MAGI2: variants seen among roughly 807,000 people sequenced by gnomAD.
MAGI2 encodes membrane associated guanylate kinase, WW and PDZ domain containing 2.
MAGI2 carries 35 observed loss-of-function variants against 133.3 expected under a neutral mutation model. The ratio of observed to expected loss-of-function variants is 0.26; its 90% CI spans 0.20 to 0.35. MAGI2 has a LOEUF of 0.35. MAGI2 is among the 10% of genes least tolerant of loss of function. The probability of loss-of-function intolerance (pLI) is 1.00; values close to 1 mark genes in which losing one functional copy is unlikely to be tolerated. For synonymous variants in MAGI2, 729 were observed against 710.6 expected, an observed-to-expected ratio of 1.03 and a Z score of -0.41; for missense variants, 1,636 against 1,863.4, an observed-to-expected ratio of 0.88 and a Z score of 2.25.
At chr7:79,349,348 T>C (rs1841537625) in intron 1 of MAGI2, among the ~76,000 whole-genome samples, 1 of 152,012 alleles carries the variant, frequency 6.6e-6, no homozygotes, top group South Asian at 2.1e-4. Flanking sequence ...GGAAATCTGG[T>C]TGCTATTTCT....
chr7:78,647,962 C>G (rs933128697), intron 2 of MAGI2, among the ~76,000 whole-genome samples: 1 of 152,116 alleles, frequency 6.6e-6, no homozygotes, highest in African/African-American at 2.4e-5. Context: ...CACATGGACA[C>G]AGGCAGGGGA....
chr7:78,297,259 C>T (rs1797349255), intron 9 of MAGI2, among the ~76,000 whole-genome samples: 1 of 151,978 alleles, frequency 6.6e-6, no homozygotes. Flanking sequence ...CAGAGAAATG[C>T]AAATCAAAAC....
intron 1 of MAGI2, among the ~76,000 whole-genome samples, chr7:79,364,458 A>G (rs1025224436): frequency 2.0e-5 from 3 of 152,096 alleles, no homozygotes; most frequent in African/African-American, 4.8e-5. Context: ...TACACTATAC[A>G]TATATAACGA....
At chr7:78,155,526 A>T (rs930258929) in intron 16 of MAGI2, among the ~76,000 whole-genome samples, 1 of 152,198 alleles carries the variant, frequency 6.6e-6, no homozygotes, top group African/African-American at 2.4e-5. Context: ...TGGGAGGAGG[A>T]TCACTTGAAC....
chr7:78,500,027 T>A (rs1045054446), intron 5 of MAGI2, among the ~76,000 whole-genome samples: 4 of 152,238 alleles, frequency 2.6e-5, no homozygotes, highest in Admixed American at 2.6e-4. Flanking sequence ...ATGTAAGAGA[T>A]TCTTATTCCT....
At chr7:78,702,681 C>G (rs1468496477) in intron 2 of MAGI2, among the ~76,000 whole-genome samples, 2 of 151,920 alleles carry the variant, frequency 1.3e-5, no homozygotes, top group Non-Finnish European at 2.9e-5. Flanking sequence ...TGCTCTTCCC[C>G]ACCCCTTTCA....
At chr7:79,130,556 T>C (rs1254565985) in intron 1 of MAGI2, among the ~76,000 whole-genome samples, 1 of 152,190 alleles carries the variant, frequency 6.6e-6, no homozygotes, top group East Asian at 1.9e-4. Context: ...TCCTGATAAT[T>C]TGCCAACATT....
chr7:78,194,623 T>C (rs1334574810), intron 12 of MAGI2, among the ~76,000 whole-genome samples: 2 of 151,894 alleles, frequency 1.3e-5, no homozygotes, highest in Admixed American at 1.3e-4. Context: ...CCCCCAAAAA[T>C]ATATTCCCGA....
At chr7:79,035,953 A>C (rs1388103073) in intron 1 of MAGI2, among the ~76,000 whole-genome samples, 1 of 152,218 alleles carries the variant, frequency 6.6e-6, no homozygotes, top group Non-Finnish European at 1.5e-5. Context: ...ATAATTTAAA[A>C]ATTGTTTGAA....
At chr7:79,214,399 CTCTCTCTCTATATATA>C (rs1446606912) in intron 1 of MAGI2, among the ~76,000 whole-genome samples, 77 of 72,132 alleles carry the variant, frequency 1.1e-3, no homozygotes, top group East Asian at 1.4e-3. Flanking sequence ...CTCTCTCTCT[CTCTCTCTCTATATATA>C]TATATATATA....
At chr7:78,275,640 T>C (rs1404120557) in intron 9 of MAGI2, among the ~76,000 whole-genome samples, 1 of 152,166 alleles carries the variant, frequency 6.6e-6, no homozygotes, top group African/African-American at 2.4e-5. Flanking sequence ...ATCTAATATG[T>C]ACAATAAAGA....
chr7:78,957,701 G>C (rs962212525), intron 2 of MAGI2, among the ~76,000 whole-genome samples: 16 of 152,106 alleles, frequency 1.1e-4, no homozygotes, highest in Non-Finnish European at 2.4e-4. Flanking sequence ...AGCATAGAGA[G>C]GTTAGGTAAC....
chr7:79,336,482 AAAC>A (rs1255178786), intron 1 of MAGI2, among the ~76,000 whole-genome samples: 1 of 152,184 alleles, frequency 6.6e-6, no homozygotes, highest in Non-Finnish European at 1.5e-5. Context: ...ATGAAAATAA[AAAC>A]AAATTATGTA....
intron 6 of MAGI2, among the ~76,000 whole-genome samples, chr7:78,461,916 C>A (rs1259565537): frequency 2.3e-4 from 7 of 30,534 alleles, no homozygotes; most frequent in East Asian, 2.2e-3. Flanking sequence ...AATTCCGTCT[C>A]AAAAAAAAAA....
intron 2 of MAGI2, among the ~76,000 whole-genome samples, chr7:78,732,900 G>C (rs1821506498): frequency 1.3e-5 from 2 of 152,128 alleles, no homozygotes; most frequent in African/African-American, 4.8e-5. Flanking sequence ...TGCTGGAGCA[G>C]AGGATTGTTG....
chr7:79,030,281 A>G (rs1810437789), intron 1 of MAGI2: 1 of 152,224 alleles, frequency 6.6e-6, no homozygotes, highest in South Asian at 2.1e-4. Context: ...GGAATGATAC[A>G]GTGAAGATGA....
At chr7:78,666,907 C>T (rs2151058798) in intron 2 of MAGI2, among the ~76,000 whole-genome samples, 1 of 152,242 alleles carries the variant, frequency 6.6e-6, no homozygotes, top group Non-Finnish European at 1.5e-5. Context: ...TTCAACACCA[C>T]TGGATTGCCA....
chr7:79,170,692 G>T (rs914306208), intron 1 of MAGI2, among the ~76,000 whole-genome samples: 2 of 152,024 alleles, frequency 1.3e-5, no homozygotes, highest in East Asian at 1.9e-4. Context: ...TGTCTAAGAA[G>T]AATAATCATG....
intron 1 of MAGI2, among the ~76,000 whole-genome samples, chr7:79,304,986 C>A (rs1837671865): frequency 6.6e-6 from 1 of 152,098 alleles, no homozygotes; most frequent in Non-Finnish European, 1.5e-5. Context: ...ATCTGTAACT[C>A]CACAGAGTAC....
Sources: gnomAD v4.1 joint callset for allele counts (sites outside exome capture counted in the v4.1 genomes callset) on GRCh38, gnomAD v4.1.1 for gene constraint, MANE v1.5 for transcripts, NCBI Gene and HGNC (gene_info 2026-07-23, HGNC 2026-07-21) for gene names.